CDH13: variants seen among roughly 807,000 people sequenced by gnomAD.
CDH13 encodes the protein cadherin-13.
A neutral mutation model predicts 63.8 loss-of-function variants in CDH13; 24 were observed. The ratio of observed to expected loss-of-function variants is 0.38; its 90% CI spans 0.27 to 0.53. The LOEUF (loss-of-function observed/expected upper bound fraction) is 0.53, where lower values mean the gene tolerates loss of function less well. Ranked by LOEUF, CDH13 falls within the 20% of genes least tolerant of loss-of-function variation. The probability of loss-of-function intolerance (pLI) is 0.85; values close to 1 mark genes in which losing one functional copy is unlikely to be tolerated. For synonymous variants in CDH13, 503 were observed against 355.3 expected, an observed-to-expected ratio of 1.42 and a Z score of -4.67; for missense variants, 1,049 against 903.1, an observed-to-expected ratio of 1.16 and a Z score of -2.07.
intron 1 of CDH13, among the ~76,000 whole-genome samples, chr16:82,726,340 A>T (rs1257143148): frequency 6.6e-6 from 1 of 152,230 alleles, no homozygotes; most frequent in South Asian, 2.1e-4. Flanking sequence ...CAGCAAGAAG[A>T]TACATATAAG....
intron 1 of CDH13, among the ~76,000 whole-genome samples, chr16:82,635,897 C>T (rs781006231): frequency 1.3e-5 from 2 of 152,014 alleles, no homozygotes; most frequent in African/African-American, 4.8e-5. Flanking sequence ...TCCCCCTTTG[C>T]GCCCCCTCTC....
chr16:82,959,620 C>G (rs1026117039), intron 2 of CDH13, among the ~76,000 whole-genome samples: 27 of 152,196 alleles, frequency 1.8e-4, no homozygotes, highest in African/African-American at 6.5e-4. Context: ...TTTCAGGACC[C>G]TTGTGATTGC....
chr16:82,883,786 T>C (rs1278253109), intron 2 of CDH13, among the ~76,000 whole-genome samples: 2 of 152,216 alleles, frequency 1.3e-5, no homozygotes, highest in Non-Finnish European at 2.9e-5. Context: ...GTCTTCCCCA[T>C]CTTGGTCCTC....
At chr16:83,620,389 C>CAAAA (rs60446363) in intron 8 of CDH13, among the ~76,000 whole-genome samples, 10 of 97,330 alleles carry the variant, frequency 1.0e-4, no homozygotes, top group South Asian at 4.3e-4. Context: ...GACTCCGTCT[C>CAAAA]AAAAAAAAAA....
At chr16:83,710,437 G>A (rs1259155673) in intron 10 of CDH13, 1 of 152,186 alleles carries the variant, frequency 6.6e-6, no homozygotes, top group Non-Finnish European at 1.5e-5. Flanking sequence ...AAGTTCAAGT[G>A]CTGGCATGGA....
chr16:83,231,268 G>C (rs939082559), intron 5 of CDH13, among the ~76,000 whole-genome samples: 1 of 152,194 alleles, frequency 6.6e-6, no homozygotes, highest in Non-Finnish European at 1.5e-5. Flanking sequence ...ACCCTGGGGT[G>C]ATGGAGAGTT....
At chr16:83,291,445 T>C (rs573360839) in intron 5 of CDH13, among the ~76,000 whole-genome samples, 1 of 152,240 alleles carries the variant, frequency 6.6e-6, no homozygotes, top group African/African-American at 2.4e-5. Flanking sequence ...GTCCCTTCCT[T>C]CCACCACCTG....
chr16:83,101,716 C>A (rs1427669927), intron 3 of CDH13, among the ~76,000 whole-genome samples: 2 of 152,134 alleles, frequency 1.3e-5, no homozygotes, highest in African/African-American at 4.8e-5. Context: ...ATCAATTGAA[C>A]CTGGGAGGCA....
chr16:83,489,610 G>A (rs1051425849), intron 7 of CDH13, among the ~76,000 whole-genome samples: 5 of 152,210 alleles, frequency 3.3e-5, no homozygotes, highest in African/African-American at 1.2e-4. Context: ...CAGATGTCCA[G>A]TGGAGTTCCC....
At chr16:82,916,918 T>C (rs947247082) in intron 2 of CDH13, among the ~76,000 whole-genome samples, 2 of 152,252 alleles carry the variant, frequency 1.3e-5, no homozygotes, top group African/African-American at 4.8e-5. Context: ...TTCTGGTTAG[T>C]ATGTAGCAAA....
intron 6 of CDH13, among the ~76,000 whole-genome samples, chr16:83,463,037 C>T (rs528450619): frequency 1.3e-5 from 2 of 152,102 alleles, no homozygotes; most frequent in East Asian, 1.9e-4. Flanking sequence ...GATAAAACCA[C>T]GAAGACAAGC....
chr16:83,421,961 C>T (rs1380666652), intron 6 of CDH13, among the ~76,000 whole-genome samples: 1 of 152,142 alleles, frequency 6.6e-6, no homozygotes, highest in Non-Finnish European at 1.5e-5. Context: ...AAATTGATGG[C>T]ATTTCTTACT....
chr16:83,765,082 G>A (rs887877257), intron 11 of CDH13, among the ~76,000 whole-genome samples: 1 of 152,172 alleles, frequency 6.6e-6, no homozygotes, highest in African/African-American at 2.4e-5. Context: ...CAAGCCACAA[G>A]TATTTTATTA....
chr16:82,742,354 A>C (rs1054673482), intron 1 of CDH13, among the ~76,000 whole-genome samples: 1 of 152,134 alleles, frequency 6.6e-6, no homozygotes, highest in Admixed American at 6.5e-5. Flanking sequence ...AATTTTCTAC[A>C]ATGAACATAC....
intron 5 of CDH13, among the ~76,000 whole-genome samples, chr16:83,334,125 A>G (rs531523015): frequency 6.6e-6 from 1 of 152,174 alleles, no homozygotes; most frequent in African/African-American, 2.4e-5. Flanking sequence ...AGCCAGCAAC[A>G]GCTGTTCATG....
At chr16:83,623,409 C>A (rs16961054) in intron 8 of CDH13, among the ~76,000 whole-genome samples, 1 of 152,176 alleles carries the variant, frequency 6.6e-6, no homozygotes, top group Non-Finnish European at 1.5e-5. Flanking sequence ...TTATTGCAAT[C>A]GGTTTCTGCG....
intron 5 of CDH13, among the ~76,000 whole-genome samples, chr16:83,326,150 T>G (rs2090354961): frequency 6.6e-6 from 1 of 152,160 alleles, no homozygotes; most frequent in African/African-American, 2.4e-5. Flanking sequence ...GTCTAGGTCT[T>G]TTATTCATCT....
intron 7 of CDH13, among the ~76,000 whole-genome samples, chr16:83,534,763 G>A (rs963866906): frequency 2.0e-5 from 3 of 152,158 alleles, no homozygotes; most frequent in Non-Finnish European, 4.4e-5. Flanking sequence ...TCACTATTAT[G>A]AGCAATGCTG....
intron 8 of CDH13, among the ~76,000 whole-genome samples, chr16:83,613,617 G>C (rs1391191968): frequency 6.6e-6 from 1 of 152,062 alleles, no homozygotes; most frequent in Non-Finnish European, 1.5e-5. Flanking sequence ...GATCACTTGA[G>C]GTCAGGAGTT....
Sources: allele counts gnomAD v4.1 joint callset (sites outside exome capture counted in the v4.1 genomes callset), GRCh38; gene constraint gnomAD v4.1.1; transcripts MANE v1.5; gene names NCBI Gene and HGNC (gene_info 2026-07-23, HGNC 2026-07-21).